CAMTA1: variants seen among roughly 807,000 people sequenced by gnomAD.
CAMTA1 encodes the protein calmodulin binding transcription activator 1, also known as calmodulin-binding transcription activator 1.
A neutral mutation model predicts 170.9 loss-of-function variants in CAMTA1; 27 were observed. The observed-to-expected ratio is 0.16, with a 90% CI of 0.12 to 0.22. The LOEUF (loss-of-function observed/expected upper bound fraction) is 0.22. Ranked by LOEUF, CAMTA1 falls within the 10% of genes least tolerant of loss-of-function variation. The pLI is 1.00. For synonymous variants in CAMTA1, 833 were observed against 891.5 expected, an observed-to-expected ratio of 0.93 and a Z score of 1.17; for missense variants, 1,619 against 2,217.2, an observed-to-expected ratio of 0.73 and a Z score of 5.42.
chr1:7,633,121 A>C lies in CAMTA1; in HGVS notation c.511-7279A>C, dbSNP rs1292370034. Among the ~76,000 whole-genome samples the C allele has an allele frequency of 6.6e-6, 1 of 152,196 alleles. No individual in the cohort carries two copies. The highest frequency in any genetic ancestry group is 1.5e-5 in the Non-Finnish European group (1 of 68,034). ...TAGCCTCTCCTGTGCTTTTGGAGGA[A>C]AGGCCCTCAGCTTGTCCCCCGTCCT... On this transcript the variant is annotated intron_variant, in intron 6 of 22. Transcript: ENST00000303635. This position sits in a 1 kb window ranked among gnomAD's most constrained non-coding sequence, Gnocchi z 4.1.
chr1:7,029,604 C>T (rs1021591596), intron 3 of CAMTA1, among the ~76,000 whole-genome samples: 2 of 151,466 alleles, frequency 1.3e-5, no homozygotes, highest in African/African-American at 4.9e-5. Flanking sequence ...AAATCTCTCT[C>T]TCTCTCTCTC....
intron 19 of CAMTA1, 172 bp from the exon 20 acceptor site, chr1:7,751,026 AG>A (rs2096893170): frequency 1.3e-6 from 1 of 741,688 alleles, no homozygotes; most frequent in Admixed American, 1.9e-5. Flanking sequence ...CATTTTGGAA[AG>A]GTAGGTGTAA....
intron 4 of CAMTA1, among the ~76,000 whole-genome samples, chr1:7,192,662 C>T (rs1284255649): frequency 6.6e-6 from 1 of 152,168 alleles, no homozygotes; most frequent in Non-Finnish European, 1.5e-5. Context: ...GCACGCTGCC[C>T]GCCAGTGTGT....
chr1:7,456,588 G>A lies in CAMTA1; in HGVS notation c.439-11242G>A, dbSNP rs572120005. On this transcript the variant is annotated intron_variant, in intron 5 of 22. Coordinates refer to ENST00000303635, the MANE Select transcript of CAMTA1 (RefSeq NM_015215.4). The surrounding 1 kb of genome is among the most constrained non-coding windows in gnomAD (Gnocchi z 4.9). ...TGAGCAGAGCTCCTGCTGATGACAG[G>A]ACCGCAGATCCCAGCAGCCTGGCAC... Among the ~76,000 whole-genome samples the A allele has an allele frequency of 6.6e-6, 1 of 152,334 alleles. No individual in the cohort carries two copies. Among genetic ancestry groups the A allele is most frequent in the South Asian group, 2.1e-4 (1 of 4,832 alleles).
chr1:6,876,562 T>A (rs1337271397), intron 3 of CAMTA1, among the ~76,000 whole-genome samples: 1 of 151,994 alleles, frequency 6.6e-6, no homozygotes, highest in African/African-American at 2.4e-5. Context: ...AGGATTTCAC[T>A]ATGTTGGCTA....
Position 7,642,423 on chromosome 1 carries a change from C to T in CAMTA1, c.664+1870C>T, listed in dbSNP as rs528035856. Among the ~76,000 whole-genome samples, 272 of 152,296 alleles carry T rather than the reference C, an allele frequency of 1.8e-3. 2 individuals carry two copies. The highest frequency in any genetic ancestry group is 3.4e-3 in the Middle Eastern group (1 of 294). Reference sequence around the variant, plus strand: ...AGCCGGGGCTGCTGAGTGGCACTTTCCCAAGGGCAGGCCAGAGGCTAGGAG... The same window carrying T: ...AGCCGGGGCTGCTGAGTGGCACTTTTCCAAGGGCAGGCCAGAGGCTAGGAG... On this transcript the variant is annotated intron_variant, in intron 7 of 22. Coordinates refer to ENST00000303635, the MANE Select transcript of CAMTA1 (RefSeq NM_015215.4). This position sits in a 1 kb window ranked among gnomAD's most constrained non-coding sequence, Gnocchi z 6.3.
intron 5 of CAMTA1, among the ~76,000 whole-genome samples, chr1:7,346,964 C>T (rs529181315): frequency 3.9e-5 from 6 of 152,316 alleles, no homozygotes; most frequent in South Asian, 4.1e-4. Context: ...GCAGCCAGCA[C>T]GGATGTGTTG....
At chr1:7,686,261 C>T (rs1249902511) in intron 11 of CAMTA1, among the ~76,000 whole-genome samples, 1 of 152,152 alleles carries the variant, frequency 6.6e-6, no homozygotes, top group African/African-American at 2.4e-5. Flanking sequence ...ACCTGCTGGG[C>T]AGGGAACTTC....
At chr1:7,584,046 T>C (rs1282708060) in intron 6 of CAMTA1, among the ~76,000 whole-genome samples, 1 of 152,174 alleles carries the variant, frequency 6.6e-6, no homozygotes, top group African/African-American at 2.4e-5. Context: ...GACATTCTGA[T>C]AAACCCTTAG....
intron 4 of CAMTA1, among the ~76,000 whole-genome samples, chr1:7,210,892 AATTAT>A (rs1235881945): frequency 1.3e-5 from 2 of 152,190 alleles, no homozygotes; most frequent in African/African-American, 2.4e-5. Context: ...TTGTTTTGGT[AATTAT>A]ATTGTCACAG....
At chr1:7,539,970 TCCTTCAGAGC>T (rs1259343943) in intron 6 of CAMTA1, among the ~76,000 whole-genome samples, 1 of 152,210 alleles carries the variant, frequency 6.6e-6, no homozygotes, top group Admixed American at 6.5e-5. Flanking sequence ...CTTCTGTTCC[TCCTTCAGAGC>T]CCAGCTAGGA....
chr1:7,618,742 C>A (rs1045526605), intron 6 of CAMTA1, among the ~76,000 whole-genome samples: 1 of 152,178 alleles, frequency 6.6e-6, no homozygotes, highest in Admixed American at 6.5e-5. Flanking sequence ...GTTTACCTCC[C>A]ATGGAACCAG....
At chr1:7,520,148 C>A (rs1211807508) in intron 6 of CAMTA1, among the ~76,000 whole-genome samples, 1 of 141,336 alleles carries the variant, frequency 7.1e-6, no homozygotes, top group Admixed American at 7.1e-5. Flanking sequence ...CACCCTGTTG[C>A]TTTCAGCACC....
At chr1:7,661,531 G>A (rs1214408418) in intron 7 of CAMTA1, among the ~76,000 whole-genome samples, 195 bp from the exon 8 acceptor site, 2 of 152,182 alleles carry the variant, frequency 1.3e-5, no homozygotes, top group Admixed American at 1.3e-4. Flanking sequence ...CCCCCGATGG[G>A]AGCAGGGGGT....
intron 4 of CAMTA1, among the ~76,000 whole-genome samples, chr1:7,223,146 TCCA>T (rs1661104135): frequency 7.6e-6 from 1 of 130,872 alleles, no homozygotes; most frequent in African/African-American, 3.0e-5. Flanking sequence ...TACCTGTTGA[TCCA>T]CCCACCCACC....
At chr1:6,837,130 A>G (rs536974302) in intron 3 of CAMTA1, among the ~76,000 whole-genome samples, 5 of 151,698 alleles carry the variant, frequency 3.3e-5, no homozygotes, top group African/African-American at 4.8e-5. Flanking sequence ...ATTTTTTTGT[A>G]TTTTTTTAGT....
intron 4 of CAMTA1, among the ~76,000 whole-genome samples, chr1:7,121,820 G>A (rs1250432008): frequency 6.6e-6 from 1 of 152,106 alleles, no homozygotes; most frequent in Non-Finnish European, 1.5e-5. Context: ...GGAGAGCCGC[G>A]AGGGGGGTGC....
chr1:7,595,510 T>C (rs1177920568), intron 6 of CAMTA1, among the ~76,000 whole-genome samples: 1 of 152,220 alleles, frequency 6.6e-6, no homozygotes, highest in African/African-American at 2.4e-5. Flanking sequence ...GCGGCTCTGC[T>C]GAATCTGGAG....
At chr1:7,759,943 A>G (rs188238027) in intron 22 of CAMTA1, among the ~76,000 whole-genome samples, 177 of 152,344 alleles carry the variant, frequency 1.2e-3, no homozygotes, top group African/African-American at 4.2e-3. Context: ...GCTCTTTGAA[A>G]AGCAATTTCT....
Sources: allele counts gnomAD v4.1 joint callset (sites outside exome capture counted in the v4.1 genomes callset), GRCh38; gene constraint gnomAD v4.1.1; non-coding constraint Gnocchi (gnomAD v3.1); transcripts MANE v1.5; gene names NCBI Gene and HGNC (gene_info 2026-07-23, HGNC 2026-07-21).